Variants in MEF2C observed in about 807,000 individuals in gnomAD.
MEF2C encodes myocyte enhancer factor 2C.
MEF2C carries 6 observed loss-of-function variants against 50.5 expected under a neutral mutation model. The ratio of observed to expected loss-of-function variants is 0.12; its 90% confidence interval spans 0.07 to 0.23. MEF2C has a LOEUF of 0.23. MEF2C is among the 10% of genes least tolerant of loss of function. The pLI is 1.00. For synonymous variants in MEF2C, 183 were observed against 228.0 expected (o/e 0.80, Z 1.78); for missense variants, 276 against 605.0 (o/e 0.46, Z 5.70).
At chr5:88,773,351 A>G (rs1296834163) in intron 3 of MEF2C, among the ~76,000 whole-genome samples, 1 of 152,232 alleles carries the variant, frequency 6.6e-6, no homozygotes, top group African/African-American at 2.4e-5. Context: ...TTCTACCCTT[A>G]GCAACATCTG....
intron 1 of MEF2C, among the ~76,000 whole-genome samples, chr5:88,830,259 T>C (rs1812516055): frequency 1.3e-5 from 2 of 152,034 alleles, no homozygotes; most frequent in African/African-American, 4.8e-5. Context: ...AAACTCTACA[T>C]TAATGCTTCT....
At chr5:88,895,842 A>G (rs773574882) in intron 1 of MEF2C, among the ~76,000 whole-genome samples, 2 of 152,186 alleles carry the variant, frequency 1.3e-5, no homozygotes, top group African/African-American at 2.4e-5. Flanking sequence ...ACTATGTTCT[A>G]TCAGAGGAGC....
At chr5:88,823,581 T>TA (rs1348738574) in intron 2 of MEF2C, among the ~76,000 whole-genome samples, 154 bp downstream of exon 2, 1 of 151,962 alleles carries the variant, frequency 6.6e-6, no homozygotes, top group Non-Finnish European at 1.5e-5. Context: ...CCTTTATATA[T>TA]AAGAGACTAT....
chr5:88,739,443 ATTTTAGT>A (rs1421857594), intron 6 of MEF2C: 1 of 960,022 alleles, frequency 1.0e-6, no homozygotes, highest in Non-Finnish European at 1.2e-6. Context: ...TTAATTTTAT[ATTTTAGT>A]TTTTAAAGTT....
chr5:88,786,249 G>A (rs895049386), intron 3 of MEF2C, among the ~76,000 whole-genome samples: 7 of 152,178 alleles, frequency 4.6e-5, no homozygotes, highest in African/African-American at 1.7e-4. Context: ...CAGAGTTCAG[G>A]GTTTTAAAAA....
At position 88,897,665 on chromosome 5, in the gene MEF2C, A is replaced by G. The variant is rs528598267; in HGVS notation, c.-240+6251T>C. ...ATGACACTTATTTTCCAGTCTACAT[A>G]AGATAATTAAAATAAATGAACTACT... On this transcript the variant is annotated intron_variant, in intron 1 of 11. Transcript: ENST00000340208. Among the ~76,000 whole-genome samples, 7 of 152,330 alleles carry G rather than the reference A, an allele frequency of 4.6e-5. No individual in the cohort carries two copies. In the South Asian group the frequency reaches 1.2e-3, roughly 27 times the overall value.
intron 2 of MEF2C, among the ~76,000 whole-genome samples, chr5:88,813,471 A>T (rs575343445): frequency 1.6e-4 from 24 of 152,112 alleles, no homozygotes; most frequent in African/African-American, 5.5e-4. Flanking sequence ...TCCCAGGCCC[A>T]GCCCCATTCA....
chr5:88,873,370 C>T (rs1339719683), intron 1 of MEF2C, among the ~76,000 whole-genome samples: 1 of 152,050 alleles, frequency 6.6e-6, no homozygotes, highest in Non-Finnish European at 1.5e-5. Flanking sequence ...TAAAACAATT[C>T]TGTCGCCCAT....
intron 2 of MEF2C, among the ~76,000 whole-genome samples, chr5:88,819,169 C>T (rs1807051305): frequency 6.6e-6 from 1 of 151,842 alleles, no homozygotes. Context: ...AACTATGCCT[C>T]TTAGCCATTT....
intron 1 of MEF2C, among the ~76,000 whole-genome samples, chr5:88,871,888 C>A (rs1163579421): frequency 6.6e-6 from 1 of 151,840 alleles, no homozygotes; most frequent in Non-Finnish European, 1.5e-5. Flanking sequence ...ATGAATAAGC[C>A]CTCAAATCTA....
At chr5:88,901,124 G>T (rs534368334) in intron 1 of MEF2C, among the ~76,000 whole-genome samples, 1 of 152,152 alleles carries the variant, frequency 6.6e-6, no homozygotes, top group South Asian at 2.1e-4. Flanking sequence ...AAAGGGAAAT[G>T]AGTTAATGAC....
intron 2 of MEF2C, among the ~76,000 whole-genome samples, chr5:88,813,751 T>C (rs1803971033): frequency 6.6e-6 from 1 of 151,412 alleles, no homozygotes; most frequent in Non-Finnish European, 1.5e-5. Flanking sequence ...AATGAATGGA[T>C]AATTTTTTAT....
intron 5 of MEF2C, chr5:88,749,382 T>C: frequency 1.0e-6 from 1 of 985,232 alleles, no homozygotes; most frequent in Non-Finnish European, 1.2e-6. Flanking sequence ...TCTGCATTTT[T>C]ATTATTTCTA....
chr5:88,740,326 T>C, intron 6 of MEF2C: 2 of 985,040 alleles, frequency 2.0e-6, no homozygotes, highest in Non-Finnish European at 2.4e-6. Context: ...ACATACTGTG[T>C]AAGCTCTGGA....
chr5:88,738,621 GT>G, intron 6 of MEF2C: 1 of 985,270 alleles, frequency 1.0e-6, no homozygotes, highest in Non-Finnish European at 1.2e-6. Context: ...TTCAGAACCA[GT>G]CATGCTCTGA....
chr5:88,794,124 T>C (rs2152987566), intron 3 of MEF2C, among the ~76,000 whole-genome samples: 1 of 152,358 alleles, frequency 6.6e-6, no homozygotes, highest in African/African-American at 2.4e-5. Context: ...TGTGTCTTTA[T>C]AGCATCATGA....
intron 5 of MEF2C, chr5:88,749,417 G>A: frequency 2.0e-6 from 2 of 984,874 alleles, no homozygotes; most frequent in South Asian, 4.7e-5. Context: ...CTAAGCAGAT[G>A]TTTTATAGAA....
intron 1 of MEF2C, among the ~76,000 whole-genome samples, chr5:88,870,019 T>C (rs771670485): frequency 6.6e-6 from 1 of 151,740 alleles, no homozygotes; most frequent in African/African-American, 2.4e-5. Flanking sequence ...ACAATACATT[T>C]TTTAAACAAT....
At chr5:88,741,061 T>C (rs773184688) in intron 6 of MEF2C, 38 of 985,328 alleles carry the variant, frequency 3.9e-5, no homozygotes, top group Non-Finnish European at 4.6e-5. Flanking sequence ...TGTGTTGCAC[T>C]GTACTGTACT....
Sources: gnomAD v4.1 joint callset for allele counts (sites outside exome capture counted in the v4.1 genomes callset) on GRCh38, gnomAD v4.1.1 for gene constraint, MANE v1.5 for transcripts, NCBI Gene and HGNC (gene_info 2026-07-23, HGNC 2026-07-21) for gene names.